DSCAM: variants seen among roughly 807,000 people sequenced by gnomAD.
DSCAM encodes the protein DS cell adhesion molecule, also known as cell adhesion molecule DSCAM.
In DSCAM, 47 loss-of-function variants were observed where a neutral mutation model predicts 217.7. The observed-to-expected ratio is 0.22, with a 90% CI of 0.17 to 0.28. The LOEUF (loss-of-function observed/expected upper bound fraction) is 0.28, where lower values mean the gene tolerates loss of function less well. Ranked by LOEUF, DSCAM falls within the 10% of genes least tolerant of loss-of-function variation. The pLI is 1.00. For synonymous variants in DSCAM, 1,056 were observed against 1,015.3 expected (o/e 1.04, Z -0.76); for missense variants, 2,080 against 2,618.3 (o/e 0.79, Z 4.49).
At chr21:40,261,023 C>A (rs2073442721) in intron 11 of DSCAM, among the ~76,000 whole-genome samples, 1 of 152,004 alleles carries the variant, frequency 6.6e-6, no homozygotes, top group Non-Finnish European at 1.5e-5. Flanking sequence ...AAAAGAAGAC[C>A]CCTCCGTTAT....
chr21:40,161,706 C>T (rs1426565134), intron 16 of DSCAM, among the ~76,000 whole-genome samples: 1 of 152,066 alleles, frequency 6.6e-6, no homozygotes, highest in East Asian at 1.9e-4. Flanking sequence ...GCTAAAAATT[C>T]TTTAAGTATT....
chr21:40,576,286 T>G (rs2076849885), intron 3 of DSCAM, among the ~76,000 whole-genome samples: 1 of 152,230 alleles, frequency 6.6e-6, no homozygotes, highest in South Asian at 2.1e-4. Context: ...AGAAGTATTA[T>G]AATTTAAAAG....
At chr21:40,365,255 A>G (rs896277448) in intron 4 of DSCAM, among the ~76,000 whole-genome samples, 5 of 152,142 alleles carry the variant, frequency 3.3e-5, no homozygotes, top group Admixed American at 6.5e-5. Context: ...ATCAACTGCC[A>G]GTATGGCTAG....
chr21:40,264,936 CGCCTGACTTTGGGAG>C (rs149052156), intron 11 of DSCAM, among the ~76,000 whole-genome samples: 7,415 of 152,220 alleles, frequency 0.049, 308 homozygotes, highest in South Asian at 0.11. Flanking sequence ...TGGTGGCTCA[CGCCTGACTTTGGGAG>C]GCCAAGGCAG....
chr21:40,765,099 G>GGA lies in DSCAM; in HGVS notation c.44-56329_44-56328insTC, dbSNP rs397935952. ...CTGCACATTCTGCACATGTATCACA[G>GGA]AAAAAAAAAAAAAGAACTTGTCAGA... On this transcript the variant is annotated intron_variant, in intron 1 of 32. Transcript: ENST00000400454. 9.3e-3 allele frequency among the ~76,000 whole-genome samples: 965 copies of GGA among 104,020 alleles called. 8 individuals carry two copies. The highest frequency in any genetic ancestry group is 0.022 in the Middle Eastern group (4 of 186). The allele number at this position is 104,020 out of a possible 152,430, so 68.2% of individuals were successfully genotyped here. A position where few individuals can be genotyped will look rare whatever the true frequency, so the allele number is the denominator to read the frequency against.
intron 9 of DSCAM, among the ~76,000 whole-genome samples, chr21:40,308,906 G>A (rs951377789): frequency 6.6e-6 from 1 of 152,106 alleles, no homozygotes; most frequent in Non-Finnish European, 1.5e-5. Flanking sequence ...GCTACCTACT[G>A]GAGCTTCACA....
intron 3 of DSCAM, among the ~76,000 whole-genome samples, chr21:40,563,599 TA>T (rs199738384): frequency 0.58 from 64,349 of 111,696 alleles, 15,475 homozygotes; most frequent in Middle Eastern, 0.64. Context: ...GTTTATATGT[TA>T]TATATATGTT....
At chr21:40,241,019 CA>C (rs1403969739) in intron 11 of DSCAM, among the ~76,000 whole-genome samples, 1 of 152,090 alleles carries the variant, frequency 6.6e-6, no homozygotes. Context: ...ATGTAAAACC[CA>C]AAACTGTAAA....
intron 18 of DSCAM, among the ~76,000 whole-genome samples, chr21:40,137,235 G>T: frequency 7.7e-6 from 1 of 130,632 alleles, no homozygotes; most frequent in African/African-American, 2.8e-5. Context: ...AAATGCTAAT[G>T]GTTAATATAC....
intron 5 of DSCAM, among the ~76,000 whole-genome samples, chr21:40,352,011 G>A (rs2074636180): frequency 6.6e-6 from 1 of 152,148 alleles, no homozygotes; most frequent in African/African-American, 2.4e-5. Flanking sequence ...GATTTAGCAG[G>A]AATAGGTTTT....
At chr21:40,517,259 A>G (rs981824646) in intron 3 of DSCAM, among the ~76,000 whole-genome samples, 1 of 149,452 alleles carries the variant, frequency 6.7e-6, no homozygotes, top group Non-Finnish European at 1.5e-5. Context: ...GTATATATAT[A>G]CCTTATATAT....
At chr21:40,553,838 A>C (rs2076649416) in intron 3 of DSCAM, among the ~76,000 whole-genome samples, 1 of 152,192 alleles carries the variant, frequency 6.6e-6, no homozygotes, top group Admixed American at 6.5e-5. Flanking sequence ...GTTAAAAATA[A>C]AAGGTTCATG....
At chr21:40,044,371 G>C in intron 30 of DSCAM, 96 bp from the exon 31 acceptor site, 5 of 1,273,642 alleles carry the variant, frequency 3.9e-6, no homozygotes, top group Non-Finnish European at 5.4e-6. Context: ...CAGCACTGCC[G>C]ACTCGCCCAC....
chr21:40,427,641 A>G (rs181498182), intron 3 of DSCAM, among the ~76,000 whole-genome samples: 72 of 152,346 alleles, frequency 4.7e-4, no homozygotes, highest in South Asian at 1.0e-3. Context: ...AAATCTCTAC[A>G]GCACAGTAAA....
intron 27 of DSCAM, among the ~76,000 whole-genome samples, chr21:40,067,724 AT>A (rs2089229412): frequency 2.1e-5 from 1 of 47,290 alleles, no homozygotes; most frequent in Non-Finnish European, 3.6e-5. Context: ...CCCTCCCCTC[AT>A]TCCCTCCCTC....
At chr21:40,510,846 A>G (rs1182775501) in intron 3 of DSCAM, among the ~76,000 whole-genome samples, 1 of 152,242 alleles carries the variant, frequency 6.6e-6, no homozygotes, top group Non-Finnish European at 1.5e-5. Flanking sequence ...GACCCTACCC[A>G]GGGACCGCAT....
chr21:40,389,805 A>G (rs2075117848), intron 3 of DSCAM, among the ~76,000 whole-genome samples: 1 of 152,222 alleles, frequency 6.6e-6, no homozygotes, highest in Non-Finnish European at 1.5e-5. Flanking sequence ...CCACGTGTTC[A>G]TGCATCAAGG....
At chr21:40,659,608 A>G (rs1364857458) in intron 3 of DSCAM, among the ~76,000 whole-genome samples, 1 of 151,992 alleles carries the variant, frequency 6.6e-6, no homozygotes, top group Non-Finnish European at 1.5e-5. Flanking sequence ...TCTACCATCT[A>G]ATTTTCTTCT....
chr21:40,072,119 T>C (rs2089299965), intron 27 of DSCAM, among the ~76,000 whole-genome samples: 1 of 152,126 alleles, frequency 6.6e-6, no homozygotes, highest in East Asian at 1.9e-4. Context: ...GTCTTAGAAA[T>C]CTCTTCTCTC....
Sources: allele counts gnomAD v4.1 joint callset (sites outside exome capture counted in the v4.1 genomes callset), GRCh38; gene constraint gnomAD v4.1.1; transcripts MANE v1.5; gene names NCBI Gene and HGNC (gene_info 2026-07-23, HGNC 2026-07-21).